The following DPP9 variants were observed in gnomAD, a reference collection of about 807,000 sequenced individuals.
DPP9 encodes the protein dipeptidyl peptidase 9, also known as dipeptidyl peptidase IV-related protein-2.
Under a neutral mutation model 110.7 loss-of-function variants are expected in DPP9, and 50 were observed. That is an observed-to-expected ratio of 0.45 (90% confidence interval 0.36 to 0.57). DPP9 has a LOEUF of 0.57. Among genes scored for constraint, DPP9 ranks in the 20% least tolerant of loss-of-function variants. The pLI, the probability that DPP9 is intolerant of heterozygous loss-of-function variation, is 0.00. For missense variants in DPP9, 1,022 were observed against 1,217.9 expected (o/e 0.84, Z 2.39); for synonymous variants, 561 against 514.4 (o/e 1.09, Z -1.23).
At chr19:4,702,278 CCCGG>C in intron 8 of DPP9, 123 bp from the exon 9 acceptor site, 1 of 1,309,044 alleles carries the variant, frequency 7.6e-7, no homozygotes, top group Non-Finnish European at 1.0e-6. Flanking sequence ...AAACCAGAAC[CCCGG>C]CTCTGCCATT....
chr19:4,717,747 C>G (rs1292003130), intron 3 of DPP9: 1 of 152,260 alleles, frequency 6.6e-6, no homozygotes, highest in Non-Finnish European at 1.5e-5. Context: ...TCCAGACAGG[C>G]CGAGGCTTGG....
Position 4,695,328 on chromosome 19 carries a change from T to G in DPP9, c.1353+50A>C, listed in dbSNP as rs1399320285. 6 of 1,507,854 alleles carry G rather than the reference T, an allele frequency of 4.0e-6. No homozygotes were observed. Among genetic ancestry groups the G allele is most frequent in the Non-Finnish European group, 5.3e-6 (6 of 1,125,896 alleles). 93.4% of individuals were successfully genotyped at this position (1,507,854 alleles called of 1,614,324 possible). On this transcript the variant is annotated intron_variant, in intron 12 of 21. Coordinates refer to ENST00000262960, the MANE Select transcript of DPP9 (RefSeq NM_139159.5). The surrounding 1 kb of genome is among the most constrained non-coding windows in gnomAD (Gnocchi z 4.7). ...TTCTAGGACGTGGGGGTGGGGACAG[T>G]GTGACTCCAGGGCCCAGGCGGGCAT...
intron 4 of DPP9, among the ~76,000 whole-genome samples, chr19:4,712,084 C>T (rs1010286323): frequency 2.6e-5 from 4 of 152,150 alleles, no homozygotes; most frequent in South Asian, 2.1e-4. Flanking sequence ...GCAACCCCAA[C>T]GGGAGCAAGT....
rs576003908 is a variant in DPP9, at chr19:4,697,472, C to T, written c.1175+79G>A. 43 of 1,247,808 alleles carry T rather than the reference C, an allele frequency of 3.4e-5. No individual in the cohort carries two copies. In the South Asian group the frequency reaches 5.5e-4, roughly 16 times the overall value. 77.3% of individuals were successfully genotyped at this position (1,247,808 alleles called of 1,614,324 possible). ...CAGATGGAAGGAATGGCACGGAAGG[C>T]CAGGAGGCAGCTTCGGTGGCTGCCC... On this transcript the variant is annotated intron_variant, in intron 11 of 21. Transcript: ENST00000262960.
intron 3 of DPP9, chr19:4,717,888 T>C (rs149198977): frequency 1.3e-5 from 2 of 152,250 alleles, no homozygotes; most frequent in African/African-American, 4.8e-5. Flanking sequence ...CACCACCCTA[T>C]GCTGTGGCTC....
At position 4,683,526 on chromosome 19, in the gene DPP9, C is replaced by A. The variant is rs1311667301; in HGVS notation, c.2282G>T (p.Gly761Val). 6.2e-7 allele frequency: 1 copy of A among 1,613,316 alleles called. No individual in the cohort carries two copies. ...TAGCCCCATGAGCGAGAGGAAGCCCCCGTAGGACCAGCCATGGATGGCAAC... is the reference window on the plus strand; with the variant it reads ...TAGCCCCATGAGCGAGAGGAAGCCCACGTAGGACCAGCCATGGATGGCAAC... ...SRVAIHGWSY[G>V]GFLSLMGLIH... Residue 761 changes from glycine (G) to valine (V), a missense_variant, in exon 19 of 22, where the codon GGG becomes GTG. Gly to Val is a moderately radical substitution (Grantham distance 109). Transcript: ENST00000262960.
rs750255934 is a variant in DPP9 at position 4,695,497 on chromosome 19, G to A, written c.1234C>T (p.Pro412Ser). ...QQWLQLVLLP[P>S]ALFIPSTENE... ...TCTGTGCTCGGGATGAACAGGGCCG[G>A]GGGGAGGAGGACGAGCTGGAGCCAC... The change falls in exon 12 of 22, where the codon CCG (proline) becomes TCG (serine). Residue 412 changes from proline (P) to serine (S), a missense_variant. Pro to Ser is a moderately conservative substitution (Grantham distance 74). Around this residue, in one of 3 missense-constraint regions of DPP9, gnomAD observed 810 missense variants for 920.6 expected, o/e 0.88. Transcript: ENST00000262960. This position sits in a 1 kb window ranked among gnomAD's most constrained non-coding sequence, Gnocchi z 4.7. 1.9e-6 allele frequency: 3 copies of A among 1,559,798 alleles called. No homozygotes were observed. Among genetic ancestry groups the A allele is most frequent in the Non-Finnish European group, 2.6e-6 (3 of 1,155,554 alleles).
chr19:4,675,402 G>C lies in DPP9; in HGVS notation c.*1162C>G, dbSNP rs576947005. On this transcript the variant is annotated 3_prime_UTR_variant, in exon 22 of 22. Coordinates refer to ENST00000262960, the MANE Select transcript of DPP9 (RefSeq NM_139159.5). ...GCCCGCCCCTGGCAGAGCTCTTGGCGGGGAGGGAAGGGGAGAGGGAAATAT... is the reference window on the plus strand; with the variant it reads ...GCCCGCCCCTGGCAGAGCTCTTGGCCGGGAGGGAAGGGGAGAGGGAAATAT... 1 of 150,618 alleles carries C rather than the reference G, an allele frequency of 6.6e-6. No individual in the cohort carries two copies. Among genetic ancestry groups the C allele is most frequent in the Non-Finnish European group, 1.5e-5 (1 of 67,764 alleles). 9.3% of individuals were successfully genotyped at this position (150,618 alleles called of 1,614,324 possible). A position where few individuals can be genotyped will look rare whatever the true frequency, so the allele number is the denominator to read the frequency against.
chr19:4,717,607 T>G (rs543325975), intron 3 of DPP9: 1 of 152,328 alleles, frequency 6.6e-6, no homozygotes, highest in South Asian at 2.1e-4. Context: ...CAATAAAAAT[T>G]ATCTTGCCTC....
At chr19:4,691,769 C>A (rs1459348884) in intron 13 of DPP9, among the ~76,000 whole-genome samples, 1 of 150,148 alleles carries the variant, frequency 6.7e-6, no homozygotes, top group Non-Finnish European at 1.5e-5. Flanking sequence ...CCTCCGTCTC[C>A]TGGGTTCAAG....
At chr19:4,708,033 C>T (rs2092672494) in intron 4 of DPP9, among the ~76,000 whole-genome samples, 2 of 152,106 alleles carry the variant, frequency 1.3e-5, no homozygotes, top group South Asian at 2.1e-4. Context: ...TACAGGCAGC[C>T]GCAGGGTCCT....
rs1264116397 is a variant in DPP9, at chr19:4,693,546, C to G, written c.1516+1115G>C. Among the ~76,000 whole-genome samples the G allele has an allele frequency of 1.3e-5, 2 of 152,170 alleles. No homozygotes were observed. The highest frequency in any genetic ancestry group is 4.8e-5 in the African/African-American group (2 of 41,454). On this transcript the variant is annotated intron_variant, in intron 13 of 21. Coordinates refer to ENST00000262960, the MANE Select transcript of DPP9 (RefSeq NM_139159.5). The surrounding 1 kb of genome is among the most constrained non-coding windows in gnomAD (Gnocchi z 5.0). The stretch of plus-strand genomic sequence containing the variant: ...CCCTCCGGGCATCCATGCCGCCTCC[C>G]TCCTCTCTGATCCCCCACCCTTTCC...
intron 4 of DPP9, among the ~76,000 whole-genome samples, chr19:4,711,909 C>A (rs2092854285): frequency 6.6e-6 from 1 of 152,006 alleles, no homozygotes; most frequent in South Asian, 2.1e-4. Flanking sequence ...GGGATGCTGG[C>A]CGCCACCAGA....
In DPP9 at chr19:4,704,366, G is replaced by A. The variant is rs1383392037; in HGVS notation, c.427-62C>T. ...GGCAAAGAGGATCTCCCGCTGGCCA[G>A]GGCAGAGATCCTCGGGCTGGGGCAT... On this transcript the variant is annotated intron_variant, in intron 5 of 21. Transcript: ENST00000262960. This position sits in a 1 kb window ranked among gnomAD's most constrained non-coding sequence, Gnocchi z 6.0. 2 of 1,556,274 alleles carry A rather than the reference G, an allele frequency of 1.3e-6. No homozygotes were observed. The highest frequency in any genetic ancestry group is 2.3e-5 in the East Asian group (1 of 44,246).
chr19:4,707,694 T>G (rs1242531585), intron 4 of DPP9, among the ~76,000 whole-genome samples: 1 of 149,654 alleles, frequency 6.7e-6, no homozygotes, highest in Non-Finnish European at 1.5e-5. Context: ...GGCACGATGT[T>G]GGCTCACTGC....
chr19:4,705,829 T>G lies in DPP9; in HGVS notation c.426+29A>C, dbSNP rs772844300. ...GCCTTTGCCACCTCCTCGCCCACGG[T>G]AGGGCCCACGCCTAATAGCACAGCT... On this transcript the variant is annotated intron_variant, in intron 5 of 21. Transcript: ENST00000262960. 5.6e-6 allele frequency: 9 copies of G among 1,609,436 alleles called. No individual in the cohort carries two copies. The Admixed American group carries it at 6.7e-5, about 12-fold the overall frequency.
chr19:4,701,403 G>A (rs1232737197), intron 9 of DPP9, among the ~76,000 whole-genome samples: 1 of 152,166 alleles, frequency 6.6e-6, no homozygotes, highest in Admixed American at 6.5e-5. Flanking sequence ...AGGAGTTGGA[G>A]GCTGCAGTGA....
In DPP9 at chr19:4,684,621, C is replaced by T. The variant is rs764843293; in HGVS notation, c.2178+42G>A. The T allele has an allele frequency of 6.2e-7, 1 of 1,608,910 alleles. No homozygotes were observed. Among genetic ancestry groups the T allele is most frequent in the Non-Finnish European group, 8.5e-7 (1 of 1,177,648 alleles). ...ACCCACACGGCCCAGGGCTCCCTTC[C>T]CGAGACCCAAAGGACCCAGAGCAAC... On this transcript the variant is annotated intron_variant, in intron 18 of 21. Transcript: ENST00000262960. The surrounding 1 kb of genome is among the most constrained non-coding windows in gnomAD (Gnocchi z 4.8).
At position 4,704,106 on chromosome 19, in the gene DPP9, G is replaced by A. The variant is rs759134609; in HGVS notation, c.600+25C>T. On this transcript the variant is annotated intron_variant, in intron 6 of 21. Transcript: ENST00000262960. The surrounding 1 kb of genome is among the most constrained non-coding windows in gnomAD (Gnocchi z 6.0). ...GGGAGGGGCCCTCCACGCCACCCCC[G>A]CACACAGCCAGGGCCAGGGCTCACC... 3.7e-6 allele frequency: 6 copies of A among 1,613,534 alleles called. No homozygotes were observed. The highest frequency in any genetic ancestry group is 1.3e-5 in the African/African-American group (1 of 74,928).
Sources: allele counts gnomAD v4.1 joint callset (sites outside exome capture counted in the v4.1 genomes callset), GRCh38; gene constraint gnomAD v4.1.1; regional missense constraint gnomAD v4.1.1; non-coding constraint Gnocchi (gnomAD v3.1); transcripts MANE v1.5; gene names NCBI Gene and HGNC (gene_info 2026-07-23, HGNC 2026-07-21).